The following ATRN variants were observed in gnomAD, a reference collection of about 807,000 sequenced individuals.
ATRN encodes attractin-2.
Under a neutral mutation model 178.7 loss-of-function variants are expected in ATRN, and 54 were observed. The observed-to-expected ratio is 0.30, with a 90% CI of 0.24 to 0.38. The LOEUF (loss-of-function observed/expected upper bound fraction) is 0.38. Ranked by LOEUF, ATRN falls within the 10% of genes least tolerant of loss-of-function variation. ATRN has a pLI of 1.00. For synonymous variants in ATRN, 636 were observed against 663.0 expected (o/e 0.96, Z 0.63); for missense variants, 1,443 against 1,815.1 (o/e 0.79, Z 3.73).
intron 23 of ATRN, among the ~76,000 whole-genome samples, chr20:3,602,054 C>T (rs992279285): frequency 6.6e-6 from 1 of 151,990 alleles, no homozygotes; most frequent in Non-Finnish European, 1.5e-5. Context: ...CCTGGCAGGG[C>T]GTGATAGCTC....
rs1400001237 is a variant in ATRN, at chr20:3,577,769, G to A, written c.2353+772G>A. On this transcript the variant is annotated intron_variant, in intron 14 of 28. Coordinates refer to ENST00000262919, the MANE Select transcript of ATRN (RefSeq NM_139321.3). The stretch of plus-strand genomic sequence containing the variant: ...AGGCATATTCTGGTGCAAGTGTGGG[G>A]TGGGGCCTAGAGTGTGCATTTTATC... Among the ~76,000 whole-genome samples, 7 of 152,298 alleles carry A rather than the reference G, an allele frequency of 4.6e-5. No homozygotes were observed. The South Asian group carries it at 1.5e-3, about 32-fold the overall frequency.
At position 3,471,498 on chromosome 20, in the gene ATRN, C is replaced by T; in HGVS notation, c.391C>T (p.His131Tyr). 1.4e-6 allele frequency: 2 copies of T among 1,406,272 alleles called. No individual in the cohort carries two copies. Among genetic ancestry groups the T allele is most frequent in the Non-Finnish European group, 1.8e-6 (2 of 1,088,786 alleles). 87.1% of individuals were successfully genotyped at this position (1,406,272 alleles called of 1,614,324 possible). Residue 131 changes from histidine (H) to tyrosine (Y), a missense_variant, in exon 1 of 29, where the codon CAC becomes TAC. Physicochemically the swap from His to Tyr is moderately conservative, Grantham distance 83. Coordinates refer to ENST00000262919, the MANE Select transcript of ATRN (RefSeq NM_139321.3). ...CGGCTGGGTGGGCGAGCAATGCCAGCACTGCGGGGGCCGCTTCAGGTGAGT... is the reference window on the plus strand; with the variant it reads ...CGGCTGGGTGGGCGAGCAATGCCAGTACTGCGGGGGCCGCTTCAGGTGAGT... ...PAGWVGEQCQ[H>Y]CGGRFRLTGS...
chr20:3,639,496 A>G (rs6115973), intron 27 of ATRN, among the ~76,000 whole-genome samples: 25,987 of 151,800 alleles, frequency 0.17, 4,601 homozygotes, highest in African/African-American at 0.46. Context: ...CAAGCAATCC[A>G]CCCACCTCGG....
intron 1 of ATRN, among the ~76,000 whole-genome samples, chr20:3,492,858 C>CGCGG (rs1362796734): frequency 8.1e-6 from 1 of 122,944 alleles, no homozygotes; most frequent in Non-Finnish European, 1.7e-5. Context: ...GAGAGAGGCG[C>CGCGG]GCGCGCGCGT....
At chr20:3,490,593 G>C in intron 1 of ATRN, 2 of 1,051,572 alleles carry the variant, frequency 1.9e-6, no homozygotes, top group Non-Finnish European at 3.0e-6. Flanking sequence ...AACAGTCACG[G>C]AGATCGAGGT....
At chr20:3,519,156 G>A (rs1349726240) in intron 1 of ATRN, among the ~76,000 whole-genome samples, 2 of 152,074 alleles carry the variant, frequency 1.3e-5, no homozygotes, top group Non-Finnish European at 2.9e-5. Context: ...ACCCATTTAT[G>A]TAGTGTGTAT....
chr20:3,571,163 T>C (rs967624367), intron 11 of ATRN, among the ~76,000 whole-genome samples: 19 of 152,342 alleles, frequency 1.2e-4, no homozygotes, highest in African/African-American at 4.1e-4. Context: ...ACATCCCCAA[T>C]TGATGGACAT....
chr20:3,635,043 A>G (rs968885884), intron 26 of ATRN, among the ~76,000 whole-genome samples: 1 of 152,092 alleles, frequency 6.6e-6, no homozygotes, highest in African/African-American at 2.4e-5. Context: ...ATATATATAT[A>G]TTTATATACA....
At chr20:3,609,723 TG>T (rs2086735504) in intron 24 of ATRN, among the ~76,000 whole-genome samples, 1 of 148,390 alleles carries the variant, frequency 6.7e-6, no homozygotes, top group East Asian at 1.9e-4. Flanking sequence ...TATGTGTGTG[TG>T]TGTGTGTGTG....
At chr20:3,640,004 C>T (rs778146114) in intron 27 of ATRN, among the ~76,000 whole-genome samples, 46 of 152,166 alleles carry the variant, frequency 3.0e-4, no homozygotes, top group Non-Finnish European at 4.3e-4. Context: ...AGAGGCAAGC[C>T]GCCATAAATA....
chr20:3,540,507 C>G (rs1453049859), intron 3 of ATRN, among the ~76,000 whole-genome samples, 172 bp downstream of exon 3: 2 of 152,212 alleles, frequency 1.3e-5, no homozygotes, highest in Non-Finnish European at 2.9e-5. Flanking sequence ...AACTTGGTTT[C>G]TGTAGCCCTG....
intron 1 of ATRN, among the ~76,000 whole-genome samples, chr20:3,526,232 C>T (rs969895733): frequency 1.3e-5 from 2 of 152,192 alleles, no homozygotes; most frequent in Non-Finnish European, 2.9e-5. Flanking sequence ...GTGCAAAAAT[C>T]ACAAGCATTC....
At chr20:3,644,473 G>GA (rs1383559022) in intron 28 of ATRN, among the ~76,000 whole-genome samples, 6 of 152,308 alleles carry the variant, frequency 3.9e-5, no homozygotes, top group African/African-American at 1.4e-4. Context: ...TTCCTGGGGG[G>GA]ACGTCCCGGG....
chr20:3,563,196 A>T lies in ATRN; in HGVS notation c.1632-13A>T. The T allele has an allele frequency of 1.3e-6, 2 of 1,597,386 alleles. No individual in the cohort carries two copies. Among genetic ancestry groups the T allele is most frequent in the South Asian group, 2.3e-5 (2 of 88,604 alleles). On this transcript the variant is annotated splice_polypyrimidine_tract_variant and intron_variant, in intron 9 of 28. Transcript: ENST00000262919. ...CTAACCTTGTATTTATTATTTCTAA[A>T]TAAACTCAAAAGGACCATTCTTAAG...
intron 1 of ATRN, among the ~76,000 whole-genome samples, chr20:3,487,314 A>C (rs2084708024): frequency 6.6e-6 from 1 of 151,788 alleles, no homozygotes; most frequent in South Asian, 2.1e-4. Context: ...GCTCACTGCA[A>C]CCTCCGCCTC....
At chr20:3,542,463 T>A (rs372579581) in intron 3 of ATRN, among the ~76,000 whole-genome samples, 4 of 144,054 alleles carry the variant, frequency 2.8e-5, no homozygotes, top group Non-Finnish European at 3.0e-5. Flanking sequence ...AGAACATTAT[T>A]CCTTTTAGAG....
Position 3,549,314 on chromosome 20 carries a change from A to G in ATRN, c.1088A>G (p.His363Arg). 1.9e-6 allele frequency: 3 copies of G among 1,600,432 alleles called. No individual in the cohort carries two copies. Among genetic ancestry groups the G allele is most frequent in the Non-Finnish European group, 2.6e-6 (3 of 1,175,730 alleles). The change falls in exon 6 of 29, where the codon CAC becomes CGC. Residue 363 changes from histidine to arginine, a missense_variant. Physicochemically the swap from His to Arg is conservative, Grantham distance 29. Around this residue, in one of 4 missense-constraint regions of ATRN, gnomAD observed 862 missense variants for 972.1 expected, o/e 0.89. Transcript: ENST00000262919. The part of the protein sequence containing the change: ...MWVVGGYMFN[H>R]SDYNMVLAYD... ...GTTGTTGGAGGATATATGTTCAACC[A>G]CTCAGATTATAACATGGTTCTAGCG...
At chr20:3,502,257 G>A (rs1027435751) in intron 1 of ATRN, among the ~76,000 whole-genome samples, 5 of 152,078 alleles carry the variant, frequency 3.3e-5, no homozygotes, top group Non-Finnish European at 5.9e-5. Flanking sequence ...CAGACTCATA[G>A]GGAGGCTTTT....
rs2087134057 is a variant in ATRN, at chr20:3,649,895, A to C, written c.*3048A>C. 6.6e-6 allele frequency: 1 copy of C among 152,186 alleles called. No homozygotes were observed. Among genetic ancestry groups the C allele is most frequent in the Non-Finnish European group, 1.5e-5 (1 of 68,038 alleles). The allele number at this position is 152,186 out of a possible 1,614,324, so 9.4% of individuals were successfully genotyped here. On this transcript the variant is annotated 3_prime_UTR_variant, in exon 29 of 29. Coordinates refer to ENST00000262919, the MANE Select transcript of ATRN (RefSeq NM_139321.3). ...GTGGGAGTAGGGAGCTAGTTTGTTG[A>C]TAAATAGTTCCCATTTCCCCATGGA...
Sources: gnomAD v4.1 joint callset for allele counts (sites outside exome capture counted in the v4.1 genomes callset) on GRCh38, gnomAD v4.1.1 for gene constraint, gnomAD v4.1.1 regional missense constraint, MANE v1.5 for transcripts, NCBI Gene and HGNC (gene_info 2026-07-23, HGNC 2026-07-21) for gene names.